The following ALK variants were observed in gnomAD, a reference collection of about 807,000 sequenced individuals.
ALK encodes the protein ALK tyrosine kinase receptor.
ALK carries 74 observed loss-of-function variants against 163.1 expected under a neutral mutation model. The observed-to-expected ratio is 0.45, with a 90% confidence interval of 0.38 to 0.55. ALK has a LOEUF of 0.55. Among genes scored for constraint, ALK ranks in the 20% least tolerant of loss-of-function variants. The pLI, the probability that ALK is intolerant of heterozygous loss-of-function variation, is 0.00. For synonymous variants in ALK, 960 were observed against 843.2 expected (o/e 1.14, Z -2.40); for missense variants, 2,063 against 2,105.3 (o/e 0.98, Z 0.39).
chr2:29,209,542 C>CAAAAA (rs76343130), intron 25 of ALK, among the ~76,000 whole-genome samples: 1 of 80,144 alleles, frequency 1.2e-5, no homozygotes, highest in Non-Finnish European at 2.9e-5. Context: ...AACTCCGTCT[C>CAAAAA]AAAAAAAAAA....
chr2:29,544,534 C>T (rs908462662), intron 3 of ALK, among the ~76,000 whole-genome samples: 1 of 152,068 alleles, frequency 6.6e-6, no homozygotes, highest in Non-Finnish European at 1.5e-5. Flanking sequence ...ATTTCTGCTG[C>T]AAAGACCGTT....
intron 3 of ALK, among the ~76,000 whole-genome samples, chr2:29,591,534 AT>A (rs1675060815): frequency 6.6e-6 from 1 of 152,210 alleles, no homozygotes; most frequent in South Asian, 2.1e-4. Flanking sequence ...AGGGAAGAAT[AT>A]AAAACGTCAG....
At chr2:29,792,816 AT>A (rs1314537658) in intron 1 of ALK, among the ~76,000 whole-genome samples, 1 of 152,208 alleles carries the variant, frequency 6.6e-6, no homozygotes. Context: ...ACACATCTTA[AT>A]TTAAAAATAC....
At chr2:29,495,133 A>G (rs1671994111) in intron 4 of ALK, among the ~76,000 whole-genome samples, 1 of 152,184 alleles carries the variant, frequency 6.6e-6, no homozygotes, top group African/African-American at 2.4e-5. Context: ...GTATGTTCAC[A>G]GAGCCGGGGT....
At chr2:29,303,331 G>T (rs536719524) in intron 8 of ALK, among the ~76,000 whole-genome samples, 1 of 151,942 alleles carries the variant, frequency 6.6e-6, no homozygotes, top group African/African-American at 2.4e-5. Flanking sequence ...AAACCAATGA[G>T]ATACCATCTC....
intron 1 of ALK, among the ~76,000 whole-genome samples, chr2:29,857,573 G>C (rs1182391392): frequency 2.0e-5 from 3 of 152,200 alleles, no homozygotes; most frequent in African/African-American, 7.2e-5. Context: ...CTGGACTAAA[G>C]TTAGTGGGAT....
chr2:29,351,596 C>T (rs910589771), intron 5 of ALK, among the ~76,000 whole-genome samples: 2 of 152,132 alleles, frequency 1.3e-5, no homozygotes, highest in Non-Finnish European at 2.9e-5. Flanking sequence ...TGTGGTTCCG[C>T]CTTAAGAGAT....
At chr2:29,250,895 T>C (rs1371689287) in intron 12 of ALK, among the ~76,000 whole-genome samples, 1 of 152,224 alleles carries the variant, frequency 6.6e-6, no homozygotes, top group South Asian at 2.1e-4. Flanking sequence ...TGTGAGTTTC[T>C]TGAGGACAAA....
At chr2:29,413,523 A>AT (rs1261176751) in intron 4 of ALK, among the ~76,000 whole-genome samples, 1 of 149,732 alleles carries the variant, frequency 6.7e-6, no homozygotes, top group African/African-American at 2.5e-5. Context: ...ATTTTTACTT[A>AT]TTTATTGTTT....
At chr2:29,332,634 G>T (rs533648650) in intron 5 of ALK, among the ~76,000 whole-genome samples, 2 of 152,266 alleles carry the variant, frequency 1.3e-5, no homozygotes, top group African/African-American at 4.8e-5. Flanking sequence ...ATGTATAGTT[G>T]TGTCATACAT....
rs1271470309 is a variant in ALK at position 29,717,465 on chromosome 2, T to C, written c.787+113A>G. 1.3e-5 allele frequency: 17 copies of C among 1,301,084 alleles called. No homozygotes were observed. In the South Asian group the frequency reaches 1.3e-4, roughly 10 times the overall value. 80.6% of individuals were successfully genotyped at this position (1,301,084 alleles called of 1,614,324 possible). A position where few individuals can be genotyped will look rare whatever the true frequency, so the allele number is the denominator to read the frequency against. Reference sequence around the variant, plus strand: ...GGCTCAGAAAGACTTCTTTTGCATATAGGGAGCTGAGGGAATGCCCTGGAG... The same window carrying C: ...GGCTCAGAAAGACTTCTTTTGCATACAGGGAGCTGAGGGAATGCCCTGGAG... On this transcript the variant is annotated intron_variant, in intron 2 of 28. Transcript: ENST00000389048.
At chr2:29,637,462 T>C (rs1284362245) in intron 3 of ALK, among the ~76,000 whole-genome samples, 1 of 151,820 alleles carries the variant, frequency 6.6e-6, no homozygotes, top group African/African-American at 2.4e-5. Flanking sequence ...TGGATGAGAA[T>C]ATAAAAAAGC....
At chr2:29,893,979 C>T (rs1667208383) in intron 1 of ALK, among the ~76,000 whole-genome samples, 1 of 152,156 alleles carries the variant, frequency 6.6e-6, no homozygotes, top group Non-Finnish European at 1.5e-5. Flanking sequence ...TAGCAGAGTG[C>T]TTGGCACATG....
rs761170662 is a variant in ALK at position 29,296,871 on chromosome 2, A to G, written c.1817+17T>C. On this transcript the variant is annotated intron_variant, in intron 9 of 28. Coordinates refer to ENST00000389048, the MANE Select transcript of ALK (RefSeq NM_004304.5). The stretch of plus-strand genomic sequence containing the variant: ...TGATAGAGGAGAAGGGTATTGGGGG[A>G]GATGCATAGAGCCTACCTGTCAGAC... 6.2e-7 allele frequency: 1 copy of G among 1,613,982 alleles called. No homozygotes were observed. The highest frequency in any genetic ancestry group is 1.1e-5 in the South Asian group (1 of 91,064).
intron 2 of ALK, among the ~76,000 whole-genome samples, chr2:29,699,354 A>G (rs1192292950): frequency 6.6e-6 from 1 of 152,088 alleles, no homozygotes; most frequent in Non-Finnish European, 1.5e-5. Context: ...TCTTCTCTCT[A>G]TAGGTGAGGA....
chr2:29,356,827 T>G (rs1234219905), intron 5 of ALK, among the ~76,000 whole-genome samples: 1 of 152,146 alleles, frequency 6.6e-6, no homozygotes, highest in African/African-American at 2.4e-5. Flanking sequence ...CTGAGCTGTC[T>G]TGGACAGAGA....
intron 3 of ALK, among the ~76,000 whole-genome samples, chr2:29,613,900 G>A (rs1675765694): frequency 6.6e-6 from 1 of 152,086 alleles, no homozygotes; most frequent in Non-Finnish European, 1.5e-5. Flanking sequence ...TCCACTCCCA[G>A]CAAGTCAGGA....
At chr2:29,606,528 A>G (rs1675546567) in intron 3 of ALK, among the ~76,000 whole-genome samples, 1 of 152,238 alleles carries the variant, frequency 6.6e-6, no homozygotes, top group Non-Finnish European at 1.5e-5. Context: ...GGAACTTGGC[A>G]TCCCTGTGGA....
chr2:29,727,171 G>T (rs182952587), intron 1 of ALK, among the ~76,000 whole-genome samples: 7 of 152,284 alleles, frequency 4.6e-5, no homozygotes, highest in African/African-American at 1.4e-4. Context: ...CTGTTTCCAT[G>T]GCAACCACCA....
Sources: gnomAD v4.1 joint callset for allele counts (sites outside exome capture counted in the v4.1 genomes callset) on GRCh38, gnomAD v4.1.1 for gene constraint, MANE v1.5 for transcripts, NCBI Gene and HGNC (gene_info 2026-07-23, HGNC 2026-07-21) for gene names.